The following IRAK4 variants were observed in gnomAD, a reference collection of about 807,000 sequenced individuals.
IRAK4 encodes the protein interleukin-1 receptor-associated kinase 4.
Under a neutral mutation model 51.8 loss-of-function variants are expected in IRAK4, and 44 were observed. The ratio of observed to expected loss-of-function variants is 0.85; its 90% CI spans 0.67 to 1.09. The LOEUF (loss-of-function observed/expected upper bound fraction) is 1.09, where lower values mean the gene tolerates loss of function less well. IRAK4 is among the 50% of genes least tolerant of loss of function. The pLI, the probability that IRAK4 is intolerant of heterozygous loss-of-function variation, is 0.00. For missense variants in IRAK4, 487 were observed against 538.0 expected (o/e 0.91, Z 0.94); for synonymous variants, 149 against 174.1 (o/e 0.86, Z 1.13).
At chr12:43,770,904 T>G (rs1940684293) in intron 2 of IRAK4, 1 of 506,392 alleles carries the variant, frequency 2.0e-6, no homozygotes, top group Non-Finnish European at 3.7e-6. Context: ...AGGAGTGGGT[T>G]AGTTATCTAG....
At position 43,786,908 on chromosome 12, in the gene IRAK4, A is replaced by G. The variant is rs1942259003; in HGVS notation, c.*193A>G. ...ACCATATCAACACTTAGCCCTACCCATTAGTATCACCCCCAGTTCTTACAG... is the reference window on the plus strand; with the variant it reads ...ACCATATCAACACTTAGCCCTACCCGTTAGTATCACCCCCAGTTCTTACAG... On this transcript the variant is annotated 3_prime_UTR_variant, in exon 12 of 12. Coordinates refer to ENST00000613694, the MANE Select transcript of IRAK4 (RefSeq NM_016123.4). 1.2e-5 allele frequency: 7 copies of G among 598,064 alleles called. No homozygotes were observed. The highest frequency in any genetic ancestry group is 2.1e-5 in the Non-Finnish European group (7 of 338,632). 37.0% of individuals were successfully genotyped at this position (598,064 alleles called of 1,614,324 possible).
chr12:43,774,676 A>C (rs903180088), intron 6 of IRAK4, among the ~76,000 whole-genome samples: 3 of 152,252 alleles, frequency 2.0e-5, no homozygotes, highest in Non-Finnish European at 2.9e-5. Context: ...CTATAGAGTA[A>C]TAGGCCCTTA....
At chr12:43,765,125 T>A (rs899144788) in intron 1 of IRAK4, among the ~76,000 whole-genome samples, 3 of 152,234 alleles carry the variant, frequency 2.0e-5, no homozygotes, top group African/African-American at 7.2e-5. Flanking sequence ...CATTGAAAGC[T>A]CTGCTCGCAT....
intron 1 of IRAK4, chr12:43,760,808 A>G (rs1939460893): frequency 6.6e-6 from 1 of 152,188 alleles, no homozygotes; most frequent in African/African-American, 2.4e-5. Flanking sequence ...AACATACTAT[A>G]GAGTTTATTT....
intron 7 of IRAK4, 24 bp downstream of exon 7, chr12:43,777,768 G>A: frequency 1.3e-6 from 2 of 1,573,926 alleles, no homozygotes; most frequent in Non-Finnish European, 1.7e-6. Flanking sequence ...TCATCAGATT[G>A]TTTGGCTTTT....
rs750146218 is a variant in IRAK4, at chr12:43,782,476, T to G, written c.1111T>G (p.Tyr371Asp). ...AGAAATAACACCCAAATCTGATATT[T>G]ACAGCTTTGGTGTGGTAAGTTCCGT... The part of the protein sequence containing the change: ...RGEITPKSDI[Y>D]SFGVVLLEII... The change falls in exon 9 of 12, where the codon TAC (tyrosine) becomes GAC (aspartate). Residue 371 changes from tyrosine (Y) to aspartate (D), a missense_variant. Tyr to Asp is a radical substitution (Grantham distance 160). Coordinates refer to ENST00000613694, the MANE Select transcript of IRAK4 (RefSeq NM_016123.4). 1.1e-5 allele frequency: 18 copies of G among 1,612,922 alleles called. No homozygotes were observed. The highest frequency in any genetic ancestry group is 5.9e-6 in the Non-Finnish European group (7 of 1,179,030).
intron 8 of IRAK4, 75 bp downstream of exon 8, chr12:43,778,377 A>G: frequency 2.4e-6 from 2 of 823,708 alleles, no homozygotes; most frequent in Non-Finnish European, 2.1e-6. Context: ...TTCACGATTC[A>G]TATGCAGGTC....
Position 43,768,259 on chromosome 12 carries a change from C to T in IRAK4, c.148C>T (p.Gln50Ter), listed in dbSNP as rs966984847. Residue 50 changes from glutamine (Q) to a stop codon, truncating the protein, a stop_gained, in exon 2 of 12, where the codon CAG (glutamine) becomes TAG (stop). Coordinates refer to ENST00000613694, the MANE Select transcript of IRAK4 (RefSeq NM_016123.4). LOFTEE classifies it high-confidence loss of function. ...KKPSGDDRYN[Q>*]FHIRRFEALL... ...ACCATCTGGTGATGATAGATACAAT[C>T]AGTTTCACATAAGGTAACAGATAAA... 3 of 1,609,148 alleles carry T rather than the reference C, an allele frequency of 1.9e-6. No homozygotes were observed. The African/African-American group carries it at 4.0e-5, about 22-fold the overall frequency.
rs1240565318 is a variant in IRAK4, at chr12:43,789,086, G to C, written c.*2371G>C. ...TGATTATATTTTGCAATGTGAGAAA[G>C]ACATTAGATTTGGGGGGCTGGGGGT... On this transcript the variant is annotated 3_prime_UTR_variant, in exon 12 of 12. Coordinates refer to ENST00000613694, the MANE Select transcript of IRAK4 (RefSeq NM_016123.4). 1 of 152,246 alleles carries C rather than the reference G, an allele frequency of 6.6e-6. No individual in the cohort carries two copies. Among genetic ancestry groups the C allele is most frequent in the African/African-American group, 2.4e-5 (1 of 41,450 alleles). 9.4% of individuals were successfully genotyped at this position (152,246 alleles called of 1,614,324 possible).
rs1822151797 is a variant in IRAK4 at position 43,774,039 on chromosome 12, A to T, written c.716+10A>T. 6.2e-7 allele frequency: 1 copy of T among 1,600,508 alleles called. No individual in the cohort carries two copies. The highest frequency in any genetic ancestry group is 1.3e-5 in the African/African-American group (1 of 74,700). The stretch of plus-strand genomic sequence containing the variant: ...TAAAAGTAATGGCAAAGTAAGTCTT[A>T]ATCTGGCAGTGCGGTGTAGTGGAAA... On this transcript the variant is annotated intron_variant, in intron 6 of 11. Transcript: ENST00000613694.
chr12:43,781,286 C>T (rs1478628497), intron 8 of IRAK4, among the ~76,000 whole-genome samples: 1 of 152,182 alleles, frequency 6.6e-6, no homozygotes, highest in Admixed American at 6.5e-5. Context: ...CTAAATCCAG[C>T]CTATCAGTTC....
intron 1 of IRAK4, chr12:43,763,493 T>A (rs890393668): frequency 5.3e-5 from 8 of 152,204 alleles, no homozygotes; most frequent in Non-Finnish European, 7.3e-5. Context: ...CTAACATCTA[T>A]ATTTATGATT....
At chr12:43,775,114 C>T (rs899663362) in intron 6 of IRAK4, among the ~76,000 whole-genome samples, 1 of 152,174 alleles carries the variant, frequency 6.6e-6, no homozygotes, top group Non-Finnish European at 1.5e-5. Flanking sequence ...TGCTGTAAAT[C>T]ACCAATCATA....
intron 1 of IRAK4, chr12:43,761,064 A>T (rs1939497371): frequency 6.6e-6 from 1 of 152,182 alleles, no homozygotes; most frequent in African/African-American, 2.4e-5. Context: ...CAAGAAAGAT[A>T]TGTTAAGTTT....
At chr12:43,779,712 G>GA (rs1343171378) in intron 8 of IRAK4, among the ~76,000 whole-genome samples, 1 of 152,104 alleles carries the variant, frequency 6.6e-6, no homozygotes, top group East Asian at 1.9e-4. Context: ...AGAAAGGACT[G>GA]AAAAAAGACT....
In IRAK4 at chr12:43,788,656, C is replaced by A. The variant is rs548182708; in HGVS notation, c.*1941C>A. ...CCAGGTTCACGCCATTCCCCTGCCTCAGCCTCCCCAGTAGCTGGGACTACA... is the reference window on the plus strand; with the variant it reads ...CCAGGTTCACGCCATTCCCCTGCCTAAGCCTCCCCAGTAGCTGGGACTACA... On this transcript the variant is annotated 3_prime_UTR_variant, in exon 12 of 12. Transcript: ENST00000613694. The A allele has an allele frequency of 3.3e-5, 5 of 152,368 alleles. No individual in the cohort carries two copies. Among genetic ancestry groups the A allele is most frequent in the African/African-American group, 9.7e-5 (4 of 41,416 alleles). 9.4% of individuals were successfully genotyped at this position (152,368 alleles called of 1,614,324 possible). A position where few individuals can be genotyped will look rare whatever the true frequency, so the allele number is the denominator to read the frequency against.
chr12:43,785,606 TTGTATATATATATGTG>T lies in IRAK4; in HGVS notation c.1189-779_1189-764del, dbSNP rs1419588302. Among the ~76,000 whole-genome samples the T allele has an allele frequency of 1.4e-3, 207 of 147,960 alleles. 1 individual carries two copies. Among genetic ancestry groups the T allele is most frequent in the African/African-American group, 4.9e-3 (195 of 40,086 alleles). On this transcript the variant is annotated intron_variant, in intron 10 of 11. Transcript: ENST00000613694. Reference sequence around the variant, plus strand: ...GAGGTATAAATAATTAAATATACATTTGTATATATATATGTGTGTATATATATATATTTATATATAT... The same window carrying T: ...GAGGTATAAATAATTAAATATACATTTGTATATATATATATTTATATATAT...
intron 5 of IRAK4, among the ~76,000 whole-genome samples, chr12:43,773,446 A>T (rs1359555412): frequency 6.6e-6 from 1 of 152,160 alleles, no homozygotes; most frequent in African/African-American, 2.4e-5. Flanking sequence ...AAATTTAGGA[A>T]GTATACATTA....
chr12:43,772,792 A>G, intron 4 of IRAK4, 120 bp from the exon 5 acceptor site: 1 of 758,664 alleles, frequency 1.3e-6, no homozygotes, highest in Non-Finnish European at 2.1e-6. Flanking sequence ...ATCTTCTCTC[A>G]TCTTGTCTAA....
Sources: allele counts gnomAD v4.1 joint callset (sites outside exome capture counted in the v4.1 genomes callset), GRCh38; gene constraint gnomAD v4.1.1; transcripts MANE v1.5; gene names NCBI Gene and HGNC (gene_info 2026-07-23, HGNC 2026-07-21).